The following GALNT18 variants were observed in gnomAD, a reference collection of about 807,000 sequenced individuals.
GALNT18 encodes the protein polypeptide N-acetylgalactosaminyltransferase 18.
In GALNT18, 44 loss-of-function variants were observed where a neutral mutation model predicts 69.5. The observed-to-expected ratio is 0.63, with a 90% CI of 0.50 to 0.81. GALNT18 has a LOEUF of 0.81. GALNT18 is among the 40% of genes least tolerant of loss of function. The pLI is 0.00. For synonymous variants in GALNT18, 364 were observed against 318.2 expected, an observed-to-expected ratio of 1.14 and a Z score of -1.53; for missense variants, 715 against 810.0, an observed-to-expected ratio of 0.88 and a Z score of 1.42.
chr11:11,370,893 G>A (rs755261426), intron 6 of GALNT18, among the ~76,000 whole-genome samples: 72 of 152,170 alleles, frequency 4.7e-4, no homozygotes, highest in African/African-American at 1.3e-3. Flanking sequence ...GCAGCTCCTC[G>A]TGAAAAATAT....
intron 1 of GALNT18, among the ~76,000 whole-genome samples, chr11:11,537,814 T>C (rs776137122): frequency 9.9e-5 from 15 of 152,172 alleles, no homozygotes; most frequent in Non-Finnish European, 2.1e-4. Context: ...TTCTCAGATA[T>C]TTGGATTACA....
chr11:11,362,352 C>T (rs1850662049), intron 6 of GALNT18, among the ~76,000 whole-genome samples: 1 of 151,962 alleles, frequency 6.6e-6, no homozygotes, highest in Admixed American at 6.6e-5. Flanking sequence ...AAAAAGCAGC[C>T]TTTGGATGGC....
At chr11:11,447,644 C>T (rs1855687031) in intron 2 of GALNT18, among the ~76,000 whole-genome samples, 2 of 152,160 alleles carry the variant, frequency 1.3e-5, no homozygotes, top group Admixed American at 6.5e-5. Flanking sequence ...GTGGAAGGCA[C>T]CTCCTCACAG....
At position 11,465,401 on chromosome 11, in the gene GALNT18, A is replaced by G. The variant is rs1856134725; in HGVS notation, c.236-16465T>C. Among the ~76,000 whole-genome samples, 1 of 152,132 alleles carries G rather than the reference A, an allele frequency of 6.6e-6. No individual in the cohort carries two copies. Among genetic ancestry groups the G allele is most frequent in the Non-Finnish European group, 1.5e-5 (1 of 68,028 alleles). On this transcript the variant is annotated intron_variant, in intron 1 of 10. Transcript: ENST00000227756. This position sits in a 1 kb window ranked among gnomAD's most constrained non-coding sequence, Gnocchi z 5.7. Reference sequence around the variant, plus strand: ...AGCTGTCACTGTGCAGGAAAACACCAAGGATTACTCAAAGCTTGAGTGCTG... The same window carrying G: ...AGCTGTCACTGTGCAGGAAAACACCGAGGATTACTCAAAGCTTGAGTGCTG...
intron 1 of GALNT18, among the ~76,000 whole-genome samples, chr11:11,612,543 G>A (rs1000348649): frequency 5.3e-5 from 8 of 152,118 alleles, no homozygotes; most frequent in African/African-American, 7.2e-5. Context: ...GCCAAGCTTC[G>A]AATCCTGTCT....
intron 1 of GALNT18, among the ~76,000 whole-genome samples, chr11:11,599,244 C>A (rs190707100): frequency 6.6e-6 from 1 of 152,170 alleles, no homozygotes; most frequent in Non-Finnish European, 1.5e-5. Flanking sequence ...TCAAGTTTTT[C>A]CATTTTTTGC....
intron 3 of GALNT18, among the ~76,000 whole-genome samples, chr11:11,395,731 A>G (rs893510947): frequency 6.6e-6 from 1 of 152,186 alleles, no homozygotes; most frequent in Admixed American, 6.5e-5. Flanking sequence ...TGGGAGAAAG[A>G]CCAGCAGGAC....
chr11:11,342,227 T>A (rs745895302), intron 6 of GALNT18, among the ~76,000 whole-genome samples: 5 of 152,216 alleles, frequency 3.3e-5, no homozygotes, highest in Non-Finnish European at 5.9e-5. Context: ...AAATGATAGA[T>A]GCTTCATCAG....
chr11:11,305,312 C>T (rs559270302), intron 9 of GALNT18, among the ~76,000 whole-genome samples: 56 of 152,128 alleles, frequency 3.7e-4, no homozygotes, highest in Non-Finnish European at 6.5e-4. Flanking sequence ...GAAACAGACA[C>T]GCAGTAGGGC....
chr11:11,293,190 C>A lies in GALNT18; in HGVS notation c.1516G>T (p.Val506Leu), dbSNP rs779824658. ...YICHGMTPQNVYYTSSQQIHV... is the reference protein window; with the variant it reads ...YICHGMTPQNLYYTSSQQIHV... ...ATCTGCTGACTGCTCGTGTAGTACA[C>A]GTTCTGGGGGCGGAGGGAGGGAGAG... The change falls in exon 10 of 11, where the codon GTG becomes TTG. Residue 506 changes from valine (V) to leucine (L), a missense_variant. Transcript: ENST00000227756. The A allele has an allele frequency of 7.6e-7, 1 of 1,323,158 alleles. No homozygotes were observed. The highest frequency in any genetic ancestry group is 9.7e-7 in the Non-Finnish European group (1 of 1,026,762). The allele number at this position is 1,323,158 out of a possible 1,614,324, so 82.0% of individuals were successfully genotyped here.
At chr11:11,609,150 C>T (rs1228890279) in intron 1 of GALNT18, among the ~76,000 whole-genome samples, 2 of 152,244 alleles carry the variant, frequency 1.3e-5, no homozygotes, top group South Asian at 4.1e-4. Context: ...AGCCACAGAA[C>T]AGCCTGCACT....
At chr11:11,355,643 T>C (rs1323163567) in intron 6 of GALNT18, among the ~76,000 whole-genome samples, 3 of 152,212 alleles carry the variant, frequency 2.0e-5, no homozygotes, top group Non-Finnish European at 2.9e-5. Flanking sequence ...CAAATAAGTA[T>C]CTGTCTTAAA....
chr11:11,455,716 C>A (rs1330771522), intron 1 of GALNT18, among the ~76,000 whole-genome samples: 1 of 152,110 alleles, frequency 6.6e-6, no homozygotes, highest in African/African-American at 2.4e-5. Context: ...TTGGGATTAG[C>A]GTTATTATTT....
chr11:11,274,037 G>A (rs1564873344), intron 10 of GALNT18, among the ~76,000 whole-genome samples: 1 of 152,156 alleles, frequency 6.6e-6, no homozygotes, highest in African/African-American at 2.4e-5. Flanking sequence ...CGGAGGACAA[G>A]CTGAAGCAGG....
intron 1 of GALNT18, among the ~76,000 whole-genome samples, chr11:11,502,533 G>A (rs1321270305): frequency 2.0e-5 from 3 of 152,244 alleles, no homozygotes; most frequent in African/African-American, 4.8e-5. Flanking sequence ...CAGCCTGAGT[G>A]GAGAAACCAG....
At chr11:11,478,078 T>C (rs1282937640) in intron 1 of GALNT18, among the ~76,000 whole-genome samples, 2 of 152,204 alleles carry the variant, frequency 1.3e-5, no homozygotes, top group Non-Finnish European at 2.9e-5. Context: ...GGGTTGTTTG[T>C]CTAGATTTGC....
At chr11:11,447,861 C>A (rs553281248) in intron 2 of GALNT18, among the ~76,000 whole-genome samples, 4 of 152,178 alleles carry the variant, frequency 2.6e-5, no homozygotes, top group Non-Finnish European at 5.9e-5. Flanking sequence ...GAGACACAGC[C>A]AAACCGTATC....
At chr11:11,280,522 C>T (rs975621868) in intron 10 of GALNT18, among the ~76,000 whole-genome samples, 2 of 152,118 alleles carry the variant, frequency 1.3e-5, no homozygotes, top group Non-Finnish European at 2.9e-5. Context: ...CCTGAGGCTT[C>T]CCCAGCGGCC....
chr11:11,570,782 C>G (rs1858776069), intron 1 of GALNT18, among the ~76,000 whole-genome samples: 1 of 152,228 alleles, frequency 6.6e-6, no homozygotes. Context: ...ATTGCATCCC[C>G]AGCACGAGCA....
Sources: allele counts gnomAD v4.1 joint callset (sites outside exome capture counted in the v4.1 genomes callset), GRCh38; gene constraint gnomAD v4.1.1; non-coding constraint Gnocchi (gnomAD v3.1); transcripts MANE v1.5; gene names NCBI Gene and HGNC (gene_info 2026-07-23, HGNC 2026-07-21).